The following POLR1B variants were observed in gnomAD, a reference collection of about 807,000 sequenced individuals.
POLR1B encodes the protein DNA-directed RNA polymerase I subunit RPA2.
Under a neutral mutation model 105.8 loss-of-function variants are expected in POLR1B, and 30 were observed. The observed-to-expected ratio is 0.28, with a 90% CI of 0.21 to 0.38. The LOEUF is 0.38. POLR1B is among the 10% of genes least tolerant of loss of function. The pLI, the probability that POLR1B is intolerant of heterozygous loss-of-function variation, is 1.00. For missense variants in POLR1B, 976 were observed against 1,435.8 expected (o/e 0.68, Z 5.17); for synonymous variants, 485 against 505.1 (o/e 0.96, Z 0.53).
Position 112,573,649 on chromosome 2 carries a change from CAAG to C in POLR1B, c.2360_2362del (p.Gln787_Gly788delinsArg). The C allele has an allele frequency of 1.2e-6, 2 of 1,614,134 alleles. No homozygotes were observed. The highest frequency in any genetic ancestry group is 1.7e-6 in the Non-Finnish European group (2 of 1,180,030). Reference sequence around the variant, plus strand: ...CATAGACCTCTCTGAAAAAATTAAACAAGGAGATAGTAGCCTGGTGTTTGGCAT... The same window carrying C: ...CATAGACCTCTCTGAAAAAATTAAACGAGATAGTAGCCTGGTGTTTGGCAT... On this transcript the variant is annotated inframe_deletion, in exon 14 of 15. Coordinates refer to ENST00000263331, the MANE Select transcript of POLR1B (RefSeq NM_019014.6).
rs145442533 is a variant in POLR1B at position 112,552,392 on chromosome 2, A to G, written c.987-253A>G. 7.6e-3 allele frequency among the ~76,000 whole-genome samples: 1,152 copies of G among 152,232 alleles called. 18 individuals carry two copies. Among genetic ancestry groups the G allele is most frequent in the African/African-American group, 0.024 (995 of 41,546 alleles). On this transcript the variant is annotated intron_variant, in intron 6 of 14. Coordinates refer to ENST00000263331, the MANE Select transcript of POLR1B (RefSeq NM_019014.6). ...GGGATTGTATCACTTTATTTCTCCA[A>G]AGCAAGGACTTTGTCTTATATAACC...
At chr2:112,545,242 C>T (rs1682974633) in intron 1 of POLR1B, among the ~76,000 whole-genome samples, 1 of 152,180 alleles carries the variant, frequency 6.6e-6, no homozygotes, top group Non-Finnish European at 1.5e-5. Flanking sequence ...TTTGTTCAGG[C>T]ATGCGTTAGG....
rs1021312939 is a variant in POLR1B, at chr2:112,564,554, C to G, written c.1746+55C>G. The G allele has an allele frequency of 3.1e-6, 5 of 1,609,876 alleles. No individual in the cohort carries two copies. In the African/African-American group the frequency reaches 5.3e-5, roughly 17 times the overall value. On this transcript the variant is annotated intron_variant, in intron 10 of 14. Transcript: ENST00000263331. ...TCCCTTGACCTTAGGTTTTTCAGTT[C>G]CTTTCTAGTTTTGGGGTTAACCCCT...
At chr2:112,562,806 A>G (rs563893451) in intron 9 of POLR1B, among the ~76,000 whole-genome samples, 3 of 141,868 alleles carry the variant, frequency 2.1e-5, no homozygotes, top group African/African-American at 2.6e-5. Flanking sequence ...GCTCACCGCA[A>G]CCTCCACCTC....
At chr2:112,566,183 A>G (rs1022840549) in intron 10 of POLR1B, among the ~76,000 whole-genome samples, 1 of 152,198 alleles carries the variant, frequency 6.6e-6, no homozygotes, top group Non-Finnish European at 1.5e-5. Flanking sequence ...GAGATTCAAG[A>G]TATTTCAGGA....
intron 12 of POLR1B, among the ~76,000 whole-genome samples, chr2:112,571,305 A>G (rs11677050): frequency 1.3e-5 from 2 of 151,990 alleles, no homozygotes; most frequent in East Asian, 3.9e-4. Flanking sequence ...TTGTATTATG[A>G]ACATTGCGAG....
chr2:112,572,975 G>A (rs1419359281), intron 13 of POLR1B, among the ~76,000 whole-genome samples: 1 of 152,198 alleles, frequency 6.6e-6, no homozygotes, highest in Non-Finnish European at 1.5e-5. Context: ...GCATATTTGA[G>A]TGCATATTAT....
At chr2:112,556,552 C>CAA (rs1683673081) in intron 7 of POLR1B, among the ~76,000 whole-genome samples, 1 of 152,206 alleles carries the variant, frequency 6.6e-6, no homozygotes, top group Non-Finnish European at 1.5e-5. Context: ...GTGCTGTCTT[C>CAA]TGGAAGAATA....
chr2:112,569,159 A>G (rs1684458031), intron 12 of POLR1B, among the ~76,000 whole-genome samples: 1 of 152,146 alleles, frequency 6.6e-6, no homozygotes, highest in Non-Finnish European at 1.5e-5. Context: ...ATTTTTGAAG[A>G]AAAAGGTATA....
At chr2:112,562,100 A>G (rs1684018736) in intron 9 of POLR1B, among the ~76,000 whole-genome samples, 1 of 152,152 alleles carries the variant, frequency 6.6e-6, no homozygotes, top group African/African-American at 2.4e-5. Context: ...ACAAGAAGGC[A>G]TGGCATCGTC....
intron 9 of POLR1B, among the ~76,000 whole-genome samples, chr2:112,560,339 G>T (rs1683909107): frequency 2.0e-5 from 3 of 152,020 alleles, no homozygotes; most frequent in South Asian, 4.1e-4. Flanking sequence ...TAGTTTTTTG[G>T]GTCATTTCTT....
In POLR1B at chr2:112,568,776, G is replaced by A. The variant is rs750966046; in HGVS notation, c.1948G>A (p.Glu650Lys). The change falls in exon 12 of 15, where the codon GAA becomes AAA. Residue 650 changes from glutamate (E) to lysine (K), a missense_variant. Physicochemically the swap from Glu to Lys is moderately conservative, Grantham distance 56. Transcript: ENST00000263331. ...IFMNVAIFEDEVFAGVTTHQE... is the reference protein window; with the variant it reads ...IFMNVAIFEDKVFAGVTTHQE... ...CATGAATGTCGCTATCTTTGAGGAT[G>A]AAGTTTTTGCTGGAGTTACCACACA... The A allele has an allele frequency of 6.2e-7, 1 of 1,614,134 alleles. No homozygotes were observed. The highest frequency in any genetic ancestry group is 1.1e-5 in the South Asian group (1 of 91,076).
At chr2:112,555,802 C>G (rs1296393537) in intron 7 of POLR1B, among the ~76,000 whole-genome samples, 4 of 152,148 alleles carry the variant, frequency 2.6e-5, no homozygotes, top group African/African-American at 9.7e-5. Context: ...AGCTTTTAAA[C>G]CTTTGAGTTT....
At chr2:112,569,239 G>A (rs989523856) in intron 12 of POLR1B, among the ~76,000 whole-genome samples, 1 of 152,168 alleles carries the variant, frequency 6.6e-6, no homozygotes, top group East Asian at 1.9e-4. Flanking sequence ...AGCAATTATA[G>A]TCACCCGCAT....
intron 7 of POLR1B, among the ~76,000 whole-genome samples, chr2:112,555,166 G>C (rs1180981610): frequency 6.6e-6 from 1 of 152,048 alleles, no homozygotes; most frequent in Non-Finnish European, 1.5e-5. Context: ...GGGCGACAGA[G>C]CAAGACCCTG....
At chr2:112,554,038 G>A (rs1683514130) in intron 7 of POLR1B, among the ~76,000 whole-genome samples, 1 of 152,156 alleles carries the variant, frequency 6.6e-6, no homozygotes, top group Non-Finnish European at 1.5e-5. Context: ...ATTTCAGCCA[G>A]GCTGGTCTCG....
chr2:112,575,811 G>A lies in POLR1B; in HGVS notation c.*82G>A. 1.4e-6 allele frequency: 2 copies of A among 1,436,530 alleles called. No homozygotes were observed. Among genetic ancestry groups the A allele is most frequent in the African/African-American group, 2.8e-5 (2 of 70,624 alleles). The allele number at this position is 1,436,530 out of a possible 1,614,324, so 89.0% of individuals were successfully genotyped here. A position where few individuals can be genotyped will look rare whatever the true frequency, so the allele number is the denominator to read the frequency against. ...TAATTCAATGAAGATATCATTACCA[G>A]GTTACTCTTGAGATTTTTCAACGGT... On this transcript the variant is annotated 3_prime_UTR_variant, in exon 15 of 15. Coordinates refer to ENST00000263331, the MANE Select transcript of POLR1B (RefSeq NM_019014.6). The surrounding 1 kb of genome is among the most constrained non-coding windows in gnomAD (Gnocchi z 5.3).
In POLR1B at chr2:112,542,588, A is replaced by G. The variant is rs752363196; in HGVS notation, c.94A>G (p.Lys32Glu). Residue 32 changes from lysine to glutamate, a missense_variant, in exon 1 of 15, where the codon AAG (lysine) becomes GAG (glutamate). Coordinates refer to ENST00000263331, the MANE Select transcript of POLR1B (RefSeq NM_019014.6). ...TTATGGAATCCCGCGGGAACAGCAA[A>G]AGGCAGCGTTGCAGGAGCTGACGCG... ...PSYGIPREQQKAALQELTRAH... is the reference protein window; with the variant it reads ...PSYGIPREQQEAALQELTRAH... 2 of 1,614,168 alleles carry G rather than the reference A, an allele frequency of 1.2e-6. No individual in the cohort carries two copies. The highest frequency in any genetic ancestry group is 3.3e-5 in the Admixed American group (2 of 60,026).
At position 112,547,059 on chromosome 2, in the gene POLR1B, T is replaced by G; in HGVS notation, c.225T>G (p.Phe75Leu). Reference sequence around the variant, plus strand: ...CTTTCAAAGATGAGCGTATCTCTTTTACTATTCTGGATGCTGTTATCAGTC... The same window carrying G: ...CTTTCAAAGATGAGCGTATCTCTTTGACTATTCTGGATGCTGTTATCAGTC... ...EFAFKDERISFTILDAVISPP... is the reference protein window; with the variant it reads ...EFAFKDERISLTILDAVISPP... Residue 75 changes from phenylalanine (F) to leucine (L), a missense_variant, in exon 2 of 15, where the codon TTT becomes TTG. Coordinates refer to ENST00000263331, the MANE Select transcript of POLR1B (RefSeq NM_019014.6). The G allele has an allele frequency of 6.2e-7, 1 of 1,614,204 alleles. No homozygotes were observed. Among genetic ancestry groups the G allele is most frequent in the Non-Finnish European group, 8.5e-7 (1 of 1,180,034 alleles).
Sources: gnomAD v4.1 joint callset for allele counts (sites outside exome capture counted in the v4.1 genomes callset) on GRCh38, gnomAD v4.1.1 for gene constraint, Gnocchi (gnomAD v3.1) non-coding constraint, MANE v1.5 for transcripts, NCBI Gene and HGNC (gene_info 2026-07-23, HGNC 2026-07-21) for gene names.